ZP3: variants seen among roughly 807,000 people sequenced by gnomAD.
ZP3 encodes zona pellucida sperm-binding protein 3.
Under a neutral mutation model 35.6 loss-of-function variants are expected in ZP3, and 21 were observed. The observed-to-expected ratio is 0.59, with a 90% CI of 0.42 to 0.85. The LOEUF (loss-of-function observed/expected upper bound fraction) is 0.85. Among genes scored for constraint, ZP3 ranks in the 40% least tolerant of loss-of-function variants. ZP3 has a pLI of 0.00. For missense variants in ZP3, 437 were observed against 536.5 expected (o/e 0.81, Z 1.83); for synonymous variants, 207 against 214.5 (o/e 0.96, Z 0.31).
intron 2 of ZP3, among the ~76,000 whole-genome samples, chr7:76,432,639 C>T (rs1417785588): frequency 2.0e-5 from 3 of 152,250 alleles, no homozygotes; most frequent in African/African-American, 7.2e-5. Flanking sequence ...GGGAGCAGAT[C>T]TCAGTCTAGA....
chr7:76,431,867 C>G (rs745628145), intron 2 of ZP3, among the ~76,000 whole-genome samples: 1 of 148,058 alleles, frequency 6.8e-6, no homozygotes, highest in Non-Finnish European at 1.5e-5. Flanking sequence ...CCACTGTACT[C>G]CAGCCTGGGA....
intron 1 of ZP3, among the ~76,000 whole-genome samples, chr7:76,414,190 T>C (rs1253043107): frequency 6.6e-6 from 1 of 151,594 alleles, no homozygotes; most frequent in African/African-American, 2.4e-5. Flanking sequence ...AGAGATGTGG[T>C]TTTGCCATGT....
intron 5 of ZP3, among the ~76,000 whole-genome samples, chr7:76,437,468 C>T (rs62475562): frequency 6.8e-6 from 1 of 146,586 alleles, no homozygotes; most frequent in Admixed American, 6.8e-5. Context: ...TCACACTCCC[C>T]TCTTTTTTTT....
Position 76,441,900 on chromosome 7 carries a change from C to A in ZP3, c.1119C>A (p.Asp373Glu). The change falls in exon 8 of 8, where the codon GAC (aspartate) becomes GAA (glutamate). Residue 373 changes from aspartate (D) to glutamate (E), a missense_variant. Coordinates refer to ENST00000394857, the MANE Select transcript of ZP3 (RefSeq NM_001110354.2). ...GPLIFLDRRG[D>E]HEVEQWALPS... is the part of the protein sequence containing the mutation. ...TGATCTTCCTGGACAGGAGGGGTGACCATGAAGTAGAGCAGTGGGCTTTGC... is the reference window on the plus strand; with the variant it reads ...TGATCTTCCTGGACAGGAGGGGTGAACATGAAGTAGAGCAGTGGGCTTTGC... The A allele has an allele frequency of 6.2e-7, 1 of 1,609,056 alleles. No individual in the cohort carries two copies. The highest frequency in any genetic ancestry group is 8.5e-7 in the Non-Finnish European group (1 of 1,176,862).
intron 1 of ZP3, among the ~76,000 whole-genome samples, chr7:76,417,308 C>T (rs1805400838): frequency 6.6e-6 from 1 of 152,120 alleles, no homozygotes. Flanking sequence ...ATCGGCCCAC[C>T]TCAGCCTCCC....
At chr7:76,429,407 T>C in intron 1 of ZP3, 108 bp from the exon 2 acceptor site, 1 of 1,022,586 alleles carries the variant, frequency 9.8e-7, no homozygotes, top group Non-Finnish European at 1.5e-6. Context: ...CTTGACCCTG[T>C]GGTCTTTCTG....
At chr7:76,441,467 A>C (rs1333263766) in intron 7 of ZP3, among the ~76,000 whole-genome samples, 2 of 151,804 alleles carry the variant, frequency 1.3e-5, no homozygotes, top group African/African-American at 4.9e-5. Context: ...CTGCTCACTG[A>C]AACCTCTACC....
Position 76,425,121 on chromosome 7 carries a change from G to A in ZP3, c.157G>A (p.Val53Ile). 3.7e-6 allele frequency: 6 copies of A among 1,613,968 alleles called. No homozygotes were observed. The highest frequency in any genetic ancestry group is 5.1e-6 in the Non-Finnish European group (6 of 1,180,032). The change falls in exon 1 of 8, where the codon GTC (valine) becomes ATC (isoleucine). Residue 53 changes from valine (V) to isoleucine (I), a missense_variant. Around this residue, in one of 6 missense-constraint regions of ZP3, gnomAD observed 352 missense variants for 308.4 expected, o/e 1.14. Coordinates refer to ENST00000394857, the MANE Select transcript of ZP3 (RefSeq NM_001110354.2). ...GGAGTGTCAGGAGGCCACTCTGATG[G>A]TCATGGTCAGCAAAGACCTTTTTGG... Reference protein sequence around the residue: ...LVECQEATLMVMVSKDLFGTG... With the variant: ...LVECQEATLMIMVSKDLFGTG...
At chr7:76,417,413 C>G (rs1805404089) in intron 1 of ZP3, among the ~76,000 whole-genome samples, 1 of 151,986 alleles carries the variant, frequency 6.6e-6, no homozygotes, top group Non-Finnish European at 1.5e-5. Flanking sequence ...GGCTAAATCT[C>G]AGCCCACTGA....
Position 76,405,341 on chromosome 7 carries a change from T to TTCTTTC in ZP3, c.-67+7545_-67+7546insCTTTCT, listed in dbSNP as rs1205543022. ...TGTATTTTTTTCTTTCTTTCTTTCT[T>TTCTTTC]TTTTTTTTTTTTTTTTTTTTGGTAG... On this transcript the variant is annotated intron_variant, in intron 1 of 8. Transcript: ENST00000336517. Among the ~76,000 whole-genome samples, 105 of 45,618 alleles carry TTCTTTC rather than the reference T, an allele frequency of 2.3e-3. 15 individuals are homozygous for TTCTTTC. Among genetic ancestry groups the TTCTTTC allele is most frequent in the African/African-American group, 0.013 (97 of 7,662 alleles). The allele number at this position is 45,618 out of a possible 152,430, so 29.9% of individuals were successfully genotyped here. A position where few individuals can be genotyped will look rare whatever the true frequency, so the allele number is the denominator to read the frequency against.
intron 1 of ZP3, among the ~76,000 whole-genome samples, chr7:76,417,259 G>T (rs532177522): frequency 6.6e-6 from 1 of 151,812 alleles, no homozygotes; most frequent in Non-Finnish European, 1.5e-5. Flanking sequence ...GGGTTTCTCC[G>T]TGTTGGTCAG....
intron 1 of ZP3, among the ~76,000 whole-genome samples, chr7:76,412,671 G>A (rs565867198): frequency 1.3e-5 from 2 of 152,138 alleles, no homozygotes; most frequent in Admixed American, 1.3e-4. Flanking sequence ...CCAACATGGA[G>A]AAACCCCATC....
chr7:76,397,853 C>G, intron 1 of ZP3: 1 of 1,510,698 alleles, frequency 6.6e-7, no homozygotes, highest in South Asian at 1.3e-5. Context: ...GGGCGGGGGT[C>G]AGGGCGCATC....
chr7:76,404,553 A>G, intron 1 of ZP3: 1 of 1,527,270 alleles, frequency 6.5e-7, no homozygotes, highest in Non-Finnish European at 9.0e-7. Flanking sequence ...GCACTTTGGG[A>G]GGCCGAGGTG....
chr7:76,411,437 C>T (rs999445844), intron 1 of ZP3, among the ~76,000 whole-genome samples: 2 of 152,036 alleles, frequency 1.3e-5, no homozygotes, highest in East Asian at 3.9e-4. Flanking sequence ...CATGATGGTG[C>T]GCACTGGGCT....
At chr7:76,404,604 C>T in intron 1 of ZP3, 3 of 952,236 alleles carry the variant, frequency 3.2e-6, no homozygotes, top group Admixed American at 2.4e-5. Context: ...TCAGCCTGGG[C>T]AACATAGTGA....
intron 1 of ZP3, chr7:76,404,204 AG>A: frequency 1.4e-6 from 2 of 1,413,524 alleles, no homozygotes; most frequent in Middle Eastern, 2.6e-4. Context: ...AAAGAACAAC[AG>A]GAACGAGCTC....
chr7:76,429,481 G>T, intron 1 of ZP3, 34 bp from the exon 2 acceptor site: 1 of 1,605,322 alleles, frequency 6.2e-7, no homozygotes, highest in South Asian at 1.1e-5. Flanking sequence ...GGCAGGTGAT[G>T]GCCGGCAGCA....
In ZP3 at chr7:76,401,747, C is replaced by T. The variant is rs116829166; in HGVS notation, c.-67+3950C>T. Among the ~76,000 whole-genome samples, 1,248 of 152,200 alleles carry T rather than the reference C, an allele frequency of 8.2e-3. 20 individuals are homozygous for T. Among genetic ancestry groups the T allele is most frequent in the African/African-American group, 0.028 (1,171 of 41,528 alleles). On this transcript the variant is annotated intron_variant, in intron 1 of 8. Coordinates refer to the ZP3 transcript ENST00000336517. ...CTTTTTTCAATTCCCAGCTTGGAGCCCCTTCCTCTGGGAAGCCATCCTGGA... is the reference window on the plus strand; with the variant it reads ...CTTTTTTCAATTCCCAGCTTGGAGCTCCTTCCTCTGGGAAGCCATCCTGGA...
Sources: allele counts gnomAD v4.1 joint callset (sites outside exome capture counted in the v4.1 genomes callset), GRCh38; gene constraint gnomAD v4.1.1; regional missense constraint gnomAD v4.1.1; transcripts MANE v1.5; gene names NCBI Gene and HGNC (gene_info 2026-07-23, HGNC 2026-07-21).